The following SAMD4A variants were observed in gnomAD, a reference collection of about 807,000 sequenced individuals.
SAMD4A encodes protein Smaug homolog 1.
SAMD4A carries 33 observed loss-of-function variants against 81.3 expected under a neutral mutation model. The observed-to-expected ratio is 0.41, with a 90% CI of 0.31 to 0.54. The LOEUF (loss-of-function observed/expected upper bound fraction) is 0.54. Ranked by LOEUF, SAMD4A falls within the 20% of genes least tolerant of loss-of-function variation. The pLI is 0.37. For missense variants in SAMD4A, 854 were observed against 951.1 expected (o/e 0.90, Z 1.34); for synonymous variants, 389 against 382.1 (o/e 1.02, Z -0.21).
At chr14:54,763,890 G>A (rs144590558) in intron 7 of SAMD4A, among the ~76,000 whole-genome samples, 1 of 152,280 alleles carries the variant, frequency 6.6e-6, no homozygotes, top group East Asian at 1.9e-4. Flanking sequence ...GCCTGCGCCT[G>A]TGTGTGCATA....
intron 2 of SAMD4A, among the ~76,000 whole-genome samples, chr14:54,583,788 G>C (rs1489136269): frequency 6.6e-6 from 1 of 152,208 alleles, no homozygotes; most frequent in South Asian, 2.1e-4. Flanking sequence ...GAGGTTATTT[G>C]TAACACTGGG....
At chr14:54,684,248 C>T (rs140431298) in intron 2 of SAMD4A, among the ~76,000 whole-genome samples, 1 of 152,200 alleles carries the variant, frequency 6.6e-6, no homozygotes, top group Non-Finnish European at 1.5e-5. Context: ...GAGTTAGTGA[C>T]ACCTCTAACA....
intron 2 of SAMD4A, among the ~76,000 whole-genome samples, chr14:54,667,688 T>G (rs975583773): frequency 6.6e-6 from 1 of 152,252 alleles, no homozygotes; most frequent in Non-Finnish European, 1.5e-5. Context: ...CTTGCTGTCA[T>G]GTGCAATTTG....
chr14:54,774,901 G>A (rs1441841315), intron 9 of SAMD4A, 33 bp from the exon 10 acceptor site: 2 of 1,610,682 alleles, frequency 1.2e-6, no homozygotes, highest in South Asian at 2.2e-5. Context: ...AATAACGACT[G>A]ATATTCTCTT....
chr14:54,781,216 G>T (rs545983165), intron 11 of SAMD4A, among the ~76,000 whole-genome samples: 14 of 152,330 alleles, frequency 9.2e-5, no homozygotes, highest in African/African-American at 3.4e-4. Context: ...AAGTCCTAAA[G>T]AAATTGGCTC....
chr14:54,688,968 G>C (rs1304967702), intron 2 of SAMD4A, among the ~76,000 whole-genome samples: 3 of 107,124 alleles, frequency 2.8e-5, no homozygotes, highest in Non-Finnish European at 4.0e-5. Context: ...TTTTGCTCCT[G>C]TTTTCCAGGT....
At chr14:54,708,369 T>C (rs8009711) in intron 3 of SAMD4A, among the ~76,000 whole-genome samples, 121,006 of 152,210 alleles carry the variant, frequency 0.79, 48,191 homozygotes, top group East Asian at 0.87. Flanking sequence ...TTCAGTGTCA[T>C]ATACGATGAG....
intron 2 of SAMD4A, among the ~76,000 whole-genome samples, chr14:54,685,322 C>T (rs995881292): frequency 7.4e-5 from 11 of 148,272 alleles, no homozygotes; most frequent in African/African-American, 2.5e-4. Context: ...TCTGACTACT[C>T]AAGAGACCTC....
chr14:54,681,507 G>T (rs1322244214), intron 2 of SAMD4A, among the ~76,000 whole-genome samples: 1 of 151,926 alleles, frequency 6.6e-6, no homozygotes, highest in African/African-American at 2.4e-5. Context: ...ATGGCTCATA[G>T]CAGCCTTGAA....
In SAMD4A at chr14:54,791,821, CAG is replaced by C. The variant is rs2039264206; in HGVS notation, c.*2879_*2880del. 6.6e-6 allele frequency: 1 copy of C among 152,138 alleles called. No homozygotes were observed. The highest frequency in any genetic ancestry group is 1.5e-5 in the Non-Finnish European group (1 of 68,018). 9.4% of individuals were successfully genotyped at this position (152,138 alleles called of 1,614,324 possible). A position where few individuals can be genotyped will look rare whatever the true frequency, so the allele number is the denominator to read the frequency against. ...AGTTGCATGCATGAGGCTGTGAAGT[CAG>C]ATATTTAGTAATAAAAGCAGCAGTG... is the stretch of plus-strand genomic sequence containing the variant. On this transcript the variant is annotated 3_prime_UTR_variant, in exon 13 of 13. Transcript: ENST00000554335.
At chr14:54,612,359 C>A (rs1397729399) in intron 2 of SAMD4A, among the ~76,000 whole-genome samples, 1 of 152,080 alleles carries the variant, frequency 6.6e-6, no homozygotes, top group Non-Finnish European at 1.5e-5. Context: ...CTACATATGT[C>A]TCCAAGTCTT....
At chr14:54,701,177 T>G (rs927065549) in intron 2 of SAMD4A, 2 of 151,980 alleles carry the variant, frequency 1.3e-5, no homozygotes, top group African/African-American at 4.8e-5. Flanking sequence ...TCTTTTTTAA[T>G]TATCTGTAGA....
At chr14:54,613,377 T>C (rs2034413094) in intron 2 of SAMD4A, among the ~76,000 whole-genome samples, 2 of 152,114 alleles carry the variant, frequency 1.3e-5, no homozygotes, top group South Asian at 4.2e-4. Flanking sequence ...CCTCTACTGG[T>C]AAGTAGGTTC....
intron 2 of SAMD4A, among the ~76,000 whole-genome samples, chr14:54,579,829 C>T (rs965801351): frequency 2.0e-5 from 3 of 152,206 alleles, no homozygotes; most frequent in Non-Finnish European, 4.4e-5. Context: ...CATAATTGCT[C>T]ATGACGTCCT....
chr14:54,578,410 G>T (rs2033368197), intron 2 of SAMD4A, among the ~76,000 whole-genome samples: 1 of 152,122 alleles, frequency 6.6e-6, no homozygotes, highest in Non-Finnish European at 1.5e-5. Flanking sequence ...ATAAATAAGG[G>T]TGGTTTTAAA....
intron 3 of SAMD4A, chr14:54,703,017 T>TC (rs1391937062): frequency 6.4e-6 from 1 of 156,346 alleles, no homozygotes; most frequent in Non-Finnish European, 1.4e-5. Context: ...ATTTTTTTTT[T>TC]CCTCTTTCTT....
intron 4 of SAMD4A, among the ~76,000 whole-genome samples, chr14:54,748,063 T>C (rs1468668026): frequency 1.3e-5 from 2 of 152,226 alleles, no homozygotes; most frequent in Non-Finnish European, 2.9e-5. Context: ...TAGCCAATCT[T>C]TGGGCCTTTC....
At chr14:54,629,695 A>G (rs1440686578) in intron 2 of SAMD4A, among the ~76,000 whole-genome samples, 1 of 152,068 alleles carries the variant, frequency 6.6e-6, no homozygotes, top group Non-Finnish European at 1.5e-5. Flanking sequence ...AATACAGTTT[A>G]TCAACTTGGC....
At chr14:54,764,044 C>T (rs2038474295) in intron 7 of SAMD4A, among the ~76,000 whole-genome samples, 2 of 152,154 alleles carry the variant, frequency 1.3e-5, no homozygotes, top group Non-Finnish European at 1.5e-5. Context: ...CTGCACCTGG[C>T]GAGGGGTGTG....
Sources: allele counts gnomAD v4.1 joint callset (sites outside exome capture counted in the v4.1 genomes callset), GRCh38; gene constraint gnomAD v4.1.1; transcripts MANE v1.5; gene names NCBI Gene and HGNC (gene_info 2026-07-23, HGNC 2026-07-21).